Variants in PCDHA12 observed in about 807,000 individuals in gnomAD.
PCDHA12 encodes the protein protocadherin alpha 12, also known as protocadherin alpha-12.
Under a neutral mutation model 60.0 loss-of-function variants are expected in PCDHA12, and 44 were observed. The observed-to-expected ratio is 0.73, with a 90% CI of 0.58 to 0.94. The LOEUF (loss-of-function observed/expected upper bound fraction) is 0.94, where lower values mean the gene tolerates loss of function less well. Ranked by LOEUF, PCDHA12 falls within the 40% of genes least tolerant of loss-of-function variation. The pLI is 0.00. For missense variants in PCDHA12, 1,276 were observed against 1,239.7 expected (o/e 1.03, Z -0.44); for synonymous variants, 569 against 553.0 (o/e 1.03, Z -0.40).
intron 1 of PCDHA12, chr5:140,883,287 T>A: frequency 6.2e-7 from 1 of 1,613,984 alleles, no homozygotes; most frequent in Non-Finnish European, 8.5e-7. Context: ...TTGGTGGAAG[T>A]ACTAGATGTA....
Position 140,887,400 on chromosome 5 carries a change from A to G in PCDHA12, c.2367+9561A>G, listed in dbSNP as rs563892577. Among the ~76,000 whole-genome samples, 411 of 152,184 alleles carry G rather than the reference A, an allele frequency of 2.7e-3. 1 individual carries two copies. The highest frequency in any genetic ancestry group is 4.5e-3 in the Non-Finnish European group (305 of 68,000). On this transcript the variant is annotated intron_variant, in intron 1 of 3. Transcript: ENST00000398631. ...TGTGAGCCACCGCGCCCGGCTCTTT[A>G]TCTCATTTTTATTTTTGAAAAAGTA...
intron 1 of PCDHA12, chr5:140,927,999 C>T: frequency 6.2e-7 from 1 of 1,614,174 alleles, no homozygotes; most frequent in Non-Finnish European, 8.5e-7. Flanking sequence ...ATGAAGACCT[C>T]GATTCTAATG....
intron 1 of PCDHA12, among the ~76,000 whole-genome samples, chr5:140,907,922 G>T (rs1554193181): frequency 6.6e-6 from 1 of 152,174 alleles, no homozygotes; most frequent in Admixed American, 6.5e-5. Context: ...ACTCAGAGAG[G>T]TCCATTCACA....
chr5:140,913,100 A>G (rs2076204390), intron 1 of PCDHA12, among the ~76,000 whole-genome samples: 1 of 152,186 alleles, frequency 6.6e-6, no homozygotes, highest in Non-Finnish European at 1.5e-5. Flanking sequence ...TACTGGCCTC[A>G]TAGAATCAGT....
At chr5:140,882,864 C>G in intron 1 of PCDHA12, 2 of 1,614,200 alleles carry the variant, frequency 1.2e-6, no homozygotes, top group Non-Finnish European at 8.5e-7. Context: ...CTGAGGAAAA[C>G]ACTGGACAGA....
In PCDHA12 at chr5:140,981,860, A is replaced by C. The variant is rs377325751; in HGVS notation, c.2427-615A>C. On this transcript the variant is annotated intron_variant, in intron 2 of 3. Coordinates refer to ENST00000398631, the MANE Select transcript of PCDHA12 (RefSeq NM_018903.4). ...TCCCAGTTTGTATCTCACTCCCAGC[A>C]ATGTTTTATGCTGAATTAATCTCTT... Among the ~76,000 whole-genome samples the C allele has an allele frequency of 1.1e-3, 166 of 152,246 alleles. 1 individual carries two copies. The highest frequency in any genetic ancestry group is 3.9e-3 in the African/African-American group (160 of 41,532).
At chr5:140,897,356 CCA>C (rs2066046729) in intron 1 of PCDHA12, among the ~76,000 whole-genome samples, 1 of 134,770 alleles carries the variant, frequency 7.4e-6, no homozygotes, top group South Asian at 2.4e-4. Context: ...ACAACTGTCC[CCA>C]GAGTGTGATG....
intron 1 of PCDHA12, among the ~76,000 whole-genome samples, chr5:140,878,324 A>C (rs1298317950): frequency 4.6e-5 from 7 of 152,210 alleles, no homozygotes; most frequent in Admixed American, 1.3e-4. Context: ...TTTTCACATT[A>C]TATTCCAGGT....
At position 140,928,712 on chromosome 5, in the gene PCDHA12, G is replaced by A; in HGVS notation, c.2368-50237G>A. 3.1e-6 allele frequency: 5 copies of A among 1,614,168 alleles called. No homozygotes were observed. The highest frequency in any genetic ancestry group is 4.2e-6 in the Non-Finnish European group (5 of 1,180,042). Reference sequence around the variant, plus strand: ...CACATCTCCCGGGCGTCTGACTCTAGTCTCTTTAGAATTTCAGCCAATATA... The same window carrying A: ...CACATCTCCCGGGCGTCTGACTCTAATCTCTTTAGAATTTCAGCCAATATA... On this transcript the variant is annotated intron_variant, in intron 1 of 3. Coordinates refer to ENST00000398631, the MANE Select transcript of PCDHA12 (RefSeq NM_018903.4).
chr5:140,931,259 CTATT>C (rs1407255574), intron 1 of PCDHA12, among the ~76,000 whole-genome samples: 2 of 152,080 alleles, frequency 1.3e-5, no homozygotes, highest in African/African-American at 4.8e-5. Flanking sequence ...AGAAATTTCA[CTATT>C]TATTTCTTTT....
In PCDHA12 at chr5:141,010,428, A is replaced by G. The variant is rs2098417264; in HGVS notation, c.*491A>G. The G allele has an allele frequency of 9.2e-7, 1 of 1,087,372 alleles. No individual in the cohort carries two copies. Among genetic ancestry groups the G allele is most frequent in the East Asian group, 2.6e-5 (1 of 38,240 alleles). 67.4% of individuals were successfully genotyped at this position (1,087,372 alleles called of 1,614,324 possible). ...GACTAATTGGTACAAGGAAGGCAAG[A>G]AAACAAAGACAAATAAACAGCGGAA... On this transcript the variant is annotated 3_prime_UTR_variant, in exon 4 of 4. Transcript: ENST00000398631.
intron 3 of PCDHA12, among the ~76,000 whole-genome samples, chr5:140,994,615 G>C (rs2097641272): frequency 6.6e-6 from 1 of 152,078 alleles, no homozygotes; most frequent in Admixed American, 6.6e-5. Context: ...TGAGGCACGA[G>C]AGTCACTTGA....
Position 140,877,301 on chromosome 5 carries a change from A to G in PCDHA12, c.1829A>G (p.Glu610Gly). 1.2e-6 allele frequency: 2 copies of G among 1,613,876 alleles called. No individual in the cohort carries two copies. ...DSGYNAWLSY[E>G]LQPAAVGAHI... is the part of the protein sequence containing the mutation. ...GGCTATAACGCTTGGCTGTCCTACGAGTTGCAACCGGCGGCGGTCGGCGCG... is the reference window on the plus strand; with the variant it reads ...GGCTATAACGCTTGGCTGTCCTACGGGTTGCAACCGGCGGCGGTCGGCGCG... The change falls in exon 1 of 4, where the codon GAG (glutamate) becomes GGG (glycine). Residue 610 changes from glutamate (E) to glycine (G), a missense_variant. Transcript: ENST00000398631.
intron 1 of PCDHA12, among the ~76,000 whole-genome samples, chr5:140,897,173 G>A (rs1212341088): frequency 6.6e-6 from 1 of 151,926 alleles, no homozygotes; most frequent in East Asian, 1.9e-4. Context: ...CTATCTCCAT[G>A]GGTTCAAAAA....
At chr5:140,998,389 C>T (rs1386157244) in intron 3 of PCDHA12, among the ~76,000 whole-genome samples, 3 of 152,128 alleles carry the variant, frequency 2.0e-5, no homozygotes, top group Non-Finnish European at 4.4e-5. Flanking sequence ...AAGTTTAATG[C>T]CATCTTTATG....
At chr5:140,969,576 G>A (rs982215577) in intron 1 of PCDHA12, 3 of 984,900 alleles carry the variant, frequency 3.0e-6, no homozygotes, top group Admixed American at 2.9e-5. Flanking sequence ...TTTGAGAAGT[G>A]AGGATTAGTC....
At chr5:140,912,690 A>AG (rs2076029112) in intron 1 of PCDHA12, among the ~76,000 whole-genome samples, 1 of 152,192 alleles carries the variant, frequency 6.6e-6, no homozygotes, top group African/African-American at 2.4e-5. Flanking sequence ...TCCAGGTCTC[A>AG]GGGGGAATGC....
intron 1 of PCDHA12, among the ~76,000 whole-genome samples, chr5:140,971,134 G>A (rs1387380195): frequency 6.6e-6 from 1 of 152,170 alleles, no homozygotes; most frequent in African/African-American, 2.4e-5. Context: ...GTGGTGAAGA[G>A]GCATGAACAA....
chr5:140,937,039 CT>C (rs34994034), intron 1 of PCDHA12, among the ~76,000 whole-genome samples: 142 of 140,130 alleles, frequency 1.0e-3, no homozygotes, highest in Middle Eastern at 3.8e-3. Flanking sequence ...TTCCATTTAT[CT>C]TTTTTTTTTT....
Sources: gnomAD v4.1 joint callset for allele counts (sites outside exome capture counted in the v4.1 genomes callset) on GRCh38, gnomAD v4.1.1 for gene constraint, MANE v1.5 for transcripts, NCBI Gene and HGNC (gene_info 2026-07-23, HGNC 2026-07-21) for gene names.